BCAS3: variants seen among roughly 807,000 people sequenced by gnomAD.
The protein encoded by BCAS3 is BCAS3 microtubule associated cell migration factor.
In BCAS3, 53 loss-of-function variants were observed where a neutral mutation model predicts 116.1. The observed-to-expected ratio is 0.46, with a 90% confidence interval of 0.37 to 0.57. The LOEUF (loss-of-function observed/expected upper bound fraction) is 0.57. Ranked by LOEUF, BCAS3 falls within the 20% of genes least tolerant of loss-of-function variation. The pLI, the probability that BCAS3 is intolerant of heterozygous loss-of-function variation, is 0.00. For missense variants in BCAS3, 917 were observed against 1,165.4 expected, an observed-to-expected ratio of 0.79 and a Z score of 3.10; for synonymous variants, 391 against 408.2, an observed-to-expected ratio of 0.96 and a Z score of 0.51.
intron 7 of BCAS3, among the ~76,000 whole-genome samples, chr17:60,839,453 G>T (rs2051687418): frequency 6.6e-6 from 1 of 151,944 alleles, no homozygotes; most frequent in South Asian, 2.1e-4. Context: ...TTACCCCTTT[G>T]TGCCTGGTTA....
intron 19 of BCAS3, among the ~76,000 whole-genome samples, chr17:61,054,422 C>G (rs951663289): frequency 6.6e-6 from 1 of 152,126 alleles, no homozygotes; most frequent in South Asian, 2.1e-4. Flanking sequence ...GCTGGAGTGC[C>G]GTGGCATGAT....
At chr17:61,236,703 A>G (rs1044218977) in intron 22 of BCAS3, among the ~76,000 whole-genome samples, 1 of 152,154 alleles carries the variant, frequency 6.6e-6, no homozygotes, top group African/African-American at 2.4e-5. Context: ...AAAAGATGGT[A>G]TAAAGTAGTC....
At position 61,136,396 on chromosome 17, in the gene BCAS3, G is replaced by T. The variant is rs2076640367; in HGVS notation, c.2425+51832G>T. Among the ~76,000 whole-genome samples the T allele has an allele frequency of 6.6e-6, 1 of 152,188 alleles. No homozygotes were observed. Among genetic ancestry groups the T allele is most frequent in the South Asian group, 2.1e-4 (1 of 4,824 alleles). On this transcript the variant is annotated intron_variant, in intron 22 of 23. Coordinates refer to ENST00000407086, the MANE Select transcript of BCAS3 (RefSeq NM_017679.5). This position sits in a 1 kb window ranked among gnomAD's most constrained non-coding sequence, Gnocchi z 4.4. ...TGTAGAACAGGGTTTCTCAGCGTAAGTACTGAAGGTATTTTGGACTGGACA... is the reference window on the plus strand; with the variant it reads ...TGTAGAACAGGGTTTCTCAGCGTAATTACTGAAGGTATTTTGGACTGGACA...
In BCAS3 at chr17:61,281,341, TTAGAAG is replaced by T. The variant is rs765548366; in HGVS notation, c.2426-86980_2426-86975del. On this transcript the variant is annotated intron_variant, in intron 22 of 23. Transcript: ENST00000407086. This position sits in a 1 kb window ranked among gnomAD's most constrained non-coding sequence, Gnocchi z 4.2. ...GTAATTTCATCTGTATAAATAGTTC[TTAGAAG>T]TAGAATTCCCAGGTCAAAGGATAAG... Among the ~76,000 whole-genome samples, 3 of 152,232 alleles carry T rather than the reference TTAGAAG, an allele frequency of 2.0e-5. No individual in the cohort carries two copies. The highest frequency in any genetic ancestry group is 4.4e-5 in the Non-Finnish European group (3 of 68,038).
intron 22 of BCAS3, among the ~76,000 whole-genome samples, chr17:61,301,563 G>A (rs2053439912): frequency 6.6e-6 from 1 of 152,140 alleles, no homozygotes; most frequent in African/African-American, 2.4e-5. Flanking sequence ...CTTGAACCCG[G>A]GAGGTGGAGG....
intron 6 of BCAS3, among the ~76,000 whole-genome samples, chr17:60,780,058 C>T (rs1471126435): frequency 3.3e-5 from 5 of 150,788 alleles, no homozygotes; most frequent in African/African-American, 4.9e-5. Flanking sequence ...GGCGCCATCT[C>T]GGCTCACTGC....
At chr17:60,992,900 C>T (rs2063619016) in intron 15 of BCAS3, among the ~76,000 whole-genome samples, 1 of 152,062 alleles carries the variant, frequency 6.6e-6, no homozygotes, top group South Asian at 2.1e-4. Context: ...TTTTTCATAA[C>T]ATAAAATTTT....
chr17:61,236,326 A>AT (rs1281275603), intron 22 of BCAS3, among the ~76,000 whole-genome samples: 7 of 152,042 alleles, frequency 4.6e-5, no homozygotes, highest in Admixed American at 2.6e-4. Context: ...CTTTAACAAC[A>AT]TTTTTTGTTT....
intron 23 of BCAS3, chr17:61,383,151 G>A (rs1221456169): frequency 4.6e-5 from 7 of 152,480 alleles, no homozygotes; most frequent in East Asian, 1.9e-4. Flanking sequence ...GGAGAGGGGC[G>A]CCTCCTTGCC....
intron 5 of BCAS3, among the ~76,000 whole-genome samples, chr17:60,738,744 A>AT (rs1318903801): frequency 1.3e-5 from 2 of 151,802 alleles, no homozygotes; most frequent in Non-Finnish European, 2.9e-5. Context: ...CCTTGTTTTA[A>AT]TTTTTTTGTA....
chr17:61,275,025 A>AT (rs1314503006), intron 22 of BCAS3, among the ~76,000 whole-genome samples: 3 of 151,766 alleles, frequency 2.0e-5, no homozygotes, highest in South Asian at 2.1e-4. Context: ...TAATTTTTTA[A>AT]TTTTTTTGTA....
At chr17:61,152,238 A>G (rs1374433720) in intron 22 of BCAS3, among the ~76,000 whole-genome samples, 2 of 151,900 alleles carry the variant, frequency 1.3e-5, no homozygotes, top group Non-Finnish European at 2.9e-5. Context: ...TTATTCCCTT[A>G]TTTGTCCCCT....
At chr17:60,944,260 G>A (rs1255663878) in intron 13 of BCAS3, among the ~76,000 whole-genome samples, 3 of 151,860 alleles carry the variant, frequency 2.0e-5, no homozygotes, top group Admixed American at 6.6e-5. Flanking sequence ...TACCAATATC[G>A]TGAATGAAAA....
At chr17:60,819,732 C>T (rs1257513056) in intron 7 of BCAS3, among the ~76,000 whole-genome samples, 1 of 151,776 alleles carries the variant, frequency 6.6e-6, no homozygotes, top group African/African-American at 2.4e-5. Context: ...CTCCCCTTCT[C>T]TTCCCTCCTA....
chr17:61,322,888 G>A (rs1357862567), intron 22 of BCAS3, among the ~76,000 whole-genome samples: 1 of 151,218 alleles, frequency 6.6e-6, no homozygotes, highest in African/African-American at 2.4e-5. Flanking sequence ...GAGGTGGTGG[G>A]GGGTCCTCTG....
chr17:61,182,594 T>G (rs2079545396), intron 22 of BCAS3, among the ~76,000 whole-genome samples: 1 of 152,230 alleles, frequency 6.6e-6, no homozygotes. Context: ...TACAGAGTTA[T>G]GCATCCAACA....
In BCAS3 at chr17:60,709,422, A is replaced by C. The variant is rs576042595; in HGVS notation, c.321+97A>C. ...CTTTTTTTTTTTGAGACAGAGTCTC[A>C]CTCTTCGCCCAGGCTGGAATGCAGT... On this transcript the variant is annotated intron_variant, in intron 5 of 23. Transcript: ENST00000407086. 58 of 730,328 alleles carry C rather than the reference A, an allele frequency of 7.9e-5. No homozygotes were observed. In the African/African-American group the frequency reaches 1.0e-3, roughly 13 times the overall value. The allele number at this position is 730,328 out of a possible 1,614,324, so 45.2% of individuals were successfully genotyped here. A position where few individuals can be genotyped will look rare whatever the true frequency, so the allele number is the denominator to read the frequency against.
chr17:60,767,647 A>G (rs1286141695), intron 6 of BCAS3, among the ~76,000 whole-genome samples: 1 of 152,080 alleles, frequency 6.6e-6, no homozygotes, highest in Non-Finnish European at 1.5e-5. Context: ...GTGCCCAGCC[A>G]TGAATCTTTT....
intron 14 of BCAS3, among the ~76,000 whole-genome samples, chr17:60,963,762 A>T (rs2061526029): frequency 6.6e-6 from 1 of 152,070 alleles, no homozygotes; most frequent in Non-Finnish European, 1.5e-5. Context: ...TCACTGTGTT[A>T]GCCAGGATGG....
Sources: gnomAD v4.1 joint callset for allele counts (sites outside exome capture counted in the v4.1 genomes callset) on GRCh38, gnomAD v4.1.1 for gene constraint, Gnocchi (gnomAD v3.1) non-coding constraint, MANE v1.5 for transcripts, NCBI Gene and HGNC (gene_info 2026-07-23, HGNC 2026-07-21) for gene names.